LRRC74A: variants seen among roughly 807,000 people sequenced by gnomAD.
LRRC74A encodes leucine-rich repeat-containing protein 74A.
LRRC74A carries 44 observed loss-of-function variants against 57.9 expected under a neutral mutation model. That is an observed-to-expected ratio of 0.76 (90% CI 0.60 to 0.98). LRRC74A has a LOEUF of 0.98. LRRC74A is among the 50% of genes least tolerant of loss of function. The pLI is 0.00. For synonymous variants in LRRC74A, 211 were observed against 219.4 expected (o/e 0.96, Z 0.34); for missense variants, 572 against 574.0 (o/e 1.00, Z 0.04).
intron 9 of LRRC74A, among the ~76,000 whole-genome samples, chr14:76,853,946 T>C (rs1198138371): frequency 6.6e-6 from 1 of 152,136 alleles, no homozygotes; most frequent in Non-Finnish European, 1.5e-5. Flanking sequence ...AACACAAATC[T>C]GACATCCATT....
chr14:76,835,369 C>T (rs568558192), intron 3 of LRRC74A, among the ~76,000 whole-genome samples: 47 of 151,974 alleles, frequency 3.1e-4, no homozygotes, highest in African/African-American at 1.1e-3. Flanking sequence ...ACCTGTAATC[C>T]CAGCTACTCA....
intron 10 of LRRC74A, among the ~76,000 whole-genome samples, chr14:76,857,804 G>C (rs1436722548): frequency 2.0e-5 from 3 of 152,224 alleles, no homozygotes; most frequent in Admixed American, 2.0e-4. Flanking sequence ...CAGCTTTGCA[G>C]ATGAGTGGCC....
Position 76,828,381 on chromosome 14 carries a change from C to G in LRRC74A, c.128C>G (p.Pro43Arg). Residue 43 changes from proline to arginine, a missense_variant, in exon 2 of 14, where the codon CCA (proline) becomes CGA (arginine). Pro to Arg is a moderately radical substitution (Grantham distance 103). Coordinates refer to ENST00000689127, the MANE Select transcript of LRRC74A (RefSeq NM_001385106.1). ...CCGCCGACTGTTGAAAAAGTGAAAC[C>G]AGCCCGGGAGAATTCGGAAACAGAC... ...ESPPTVEKVK[P>R]ARENSETDLE... The G allele has an allele frequency of 6.2e-7, 1 of 1,613,964 alleles. No individual in the cohort carries two copies. The highest frequency in any genetic ancestry group is 8.5e-7 in the Non-Finnish European group (1 of 1,179,846).
At chr14:76,865,563 C>G (rs1168063297) in intron 11 of LRRC74A, among the ~76,000 whole-genome samples, 3 of 152,184 alleles carry the variant, frequency 2.0e-5, no homozygotes, top group Non-Finnish European at 4.4e-5. Flanking sequence ...CGCGCGCCAT[C>G]CACAGCACAC....
chr14:76,863,481 T>C (rs1410559997), intron 11 of LRRC74A, among the ~76,000 whole-genome samples: 1 of 152,182 alleles, frequency 6.6e-6, no homozygotes, highest in East Asian at 1.9e-4. Flanking sequence ...CCTCTGGGTC[T>C]CGCTCATTCC....
At chr14:76,840,519 T>C (rs8005579) in intron 5 of LRRC74A, among the ~76,000 whole-genome samples, 100,569 of 151,376 alleles carry the variant, frequency 0.66, 33,649 homozygotes, top group East Asian at 0.89. Flanking sequence ...GTATTAAACT[T>C]CCATTATAAA....
chr14:76,866,184 C>T (rs1898781048), intron 12 of LRRC74A, 109 bp downstream of exon 12: 1 of 816,594 alleles, frequency 1.2e-6, no homozygotes, highest in Non-Finnish European at 2.0e-6. Flanking sequence ...TGAGCACTTC[C>T]TAGAGCTTCC....
In LRRC74A at chr14:76,826,568, C is replaced by A; in HGVS notation, c.-130C>A. 6.2e-7 allele frequency: 1 copy of A among 1,612,766 alleles called. No homozygotes were observed. Among genetic ancestry groups the A allele is most frequent in the South Asian group, 1.1e-5 (1 of 90,718 alleles). ...GGAGGGAAGGATAACTGCAGGCTCC[C>A]CTGGGATGCCCCCAGGTGAGGGAAG... is the stretch of plus-strand genomic sequence containing the variant. On this transcript the variant is annotated 5_prime_UTR_variant, in exon 1 of 14. Transcript: ENST00000689127.
chr14:76,852,233 A>C, intron 7 of LRRC74A, 132 bp from the exon 8 acceptor site: 1 of 621,502 alleles, frequency 1.6e-6, no homozygotes. Flanking sequence ...AACTAAAAAA[A>C]TTATTATCTG....
Position 76,839,630 on chromosome 14 carries a change from A to G in LRRC74A, c.544+1659A>G, listed in dbSNP as rs114324349. 2.0e-3 allele frequency among the ~76,000 whole-genome samples: 298 copies of G among 152,300 alleles called. 1 individual carries two copies. Among genetic ancestry groups the G allele is most frequent in the African/African-American group, 6.9e-3 (286 of 41,562 alleles). ...CATTCTATTACTATTGAAATAGAAC[A>G]CTTTTTCAGAAGCTCACTTCCACTT... is the stretch of plus-strand genomic sequence containing the variant. On this transcript the variant is annotated intron_variant, in intron 5 of 13. Transcript: ENST00000689127.
At chr14:76,845,443 C>G (rs1415799601) in intron 7 of LRRC74A, among the ~76,000 whole-genome samples, 1 of 152,122 alleles carries the variant, frequency 6.6e-6, no homozygotes, top group East Asian at 1.9e-4. Flanking sequence ...ATTAGAAGAA[C>G]ACAGAAACAA....
At position 76,857,527 on chromosome 14, in the gene LRRC74A, G is replaced by T. The variant is rs1041253081; in HGVS notation, c.1053+52G>T. On this transcript the variant is annotated intron_variant, in intron 10 of 13. Coordinates refer to ENST00000689127, the MANE Select transcript of LRRC74A (RefSeq NM_001385106.1). Reference sequence around the variant, plus strand: ...CGTCTGGGCACAAGCCAGTGACCCTGTCCACTCTATACTCTGTGTTGGCCA... The same window carrying T: ...CGTCTGGGCACAAGCCAGTGACCCTTTCCACTCTATACTCTGTGTTGGCCA... 9 of 1,303,146 alleles carry T rather than the reference G, an allele frequency of 6.9e-6. No homozygotes were observed. In the Admixed American group the frequency reaches 1.8e-4, roughly 26 times the overall value. The allele number at this position is 1,303,146 out of a possible 1,614,324, so 80.7% of individuals were successfully genotyped here. A position where few individuals can be genotyped will look rare whatever the true frequency, so the allele number is the denominator to read the frequency against.
intron 9 of LRRC74A, among the ~76,000 whole-genome samples, chr14:76,854,444 C>T (rs970801360): frequency 6.6e-6 from 1 of 152,186 alleles, no homozygotes; most frequent in Admixed American, 6.5e-5. Context: ...CTTGTCTCTA[C>T]TAAAAATACA....
rs560650546 is a variant in LRRC74A, at chr14:76,869,806, G to A, written c.1392-319G>A. Among the ~76,000 whole-genome samples the A allele has an allele frequency of 1.1e-4, 17 of 150,658 alleles. No individual in the cohort carries two copies. The South Asian group carries it at 3.6e-3, about 32-fold the overall frequency. ...GAAAAAAAATTCTAAACCCACAGAA[G>A]TATAGCAAGGAAAAAAAATGAAGGT... is the stretch of plus-strand genomic sequence containing the variant. On this transcript the variant is annotated intron_variant, in intron 13 of 13. Transcript: ENST00000689127.
At chr14:76,868,594 G>C (rs1172175452) in intron 13 of LRRC74A, among the ~76,000 whole-genome samples, 4 of 152,186 alleles carry the variant, frequency 2.6e-5, no homozygotes, top group African/African-American at 9.7e-5. Flanking sequence ...TCCCAGCCCA[G>C]ACGAAGGACA....
intron 9 of LRRC74A, among the ~76,000 whole-genome samples, chr14:76,853,886 G>A (rs148162353): frequency 1.3e-5 from 2 of 152,248 alleles, no homozygotes; most frequent in East Asian, 1.9e-4. Flanking sequence ...CGAAAGTGCT[G>A]GGATTACAGG....
At chr14:76,839,448 G>A (rs1896598767) in intron 5 of LRRC74A, among the ~76,000 whole-genome samples, 1 of 152,148 alleles carries the variant, frequency 6.6e-6, no homozygotes, top group Non-Finnish European at 1.5e-5. Context: ...TAAACAGTTT[G>A]TGCCTCATTT....
intron 5 of LRRC74A, among the ~76,000 whole-genome samples, chr14:76,842,806 A>G (rs1896864919): frequency 6.6e-6 from 1 of 152,176 alleles, no homozygotes; most frequent in African/African-American, 2.4e-5. Flanking sequence ...CCCAGAAATC[A>G]CCAGTGTCTT....
At chr14:76,866,740 A>G (rs1343202338) in intron 12 of LRRC74A, among the ~76,000 whole-genome samples, 1 of 151,678 alleles carries the variant, frequency 6.6e-6, no homozygotes, top group East Asian at 2.0e-4. Flanking sequence ...CACTCGCTCC[A>G]CCTGACTCTG....
Sources: allele counts gnomAD v4.1 joint callset (sites outside exome capture counted in the v4.1 genomes callset), GRCh38; gene constraint gnomAD v4.1.1; transcripts MANE v1.5; gene names NCBI Gene and HGNC (gene_info 2026-07-23, HGNC 2026-07-21).